The following NPAS1 variants were observed in gnomAD, a reference collection of about 807,000 sequenced individuals.
NPAS1 encodes neuronal PAS domain-containing protein 1.
NPAS1 carries 29 observed loss-of-function variants against 49.2 expected under a neutral mutation model. The ratio of observed to expected loss-of-function variants is 0.59; its 90% CI spans 0.44 to 0.80. The LOEUF (loss-of-function observed/expected upper bound fraction) is 0.80, where lower values mean the gene tolerates loss of function less well. Ranked by LOEUF, NPAS1 falls within the 30% of genes least tolerant of loss-of-function variation. NPAS1 has a pLI of 0.00. For synonymous variants in NPAS1, 408 were observed against 380.4 expected, an observed-to-expected ratio of 1.07 and a Z score of -0.84; for missense variants, 825 against 835.5, an observed-to-expected ratio of 0.99 and a Z score of 0.15.
chr19:47,034,631 C>G (rs1599906323), intron 5 of NPAS1, among the ~76,000 whole-genome samples: 1 of 152,142 alleles, frequency 6.6e-6, no homozygotes, highest in East Asian at 1.9e-4. Flanking sequence ...AATCCCAGCA[C>G]TTTGGGAGGC....
chr19:47,031,807 G>A (rs2056907784), intron 3 of NPAS1, among the ~76,000 whole-genome samples: 1 of 151,766 alleles, frequency 6.6e-6, no homozygotes, highest in Admixed American at 6.6e-5. Context: ...GGGATTACAG[G>A]TGTGAGCCAC....
chr19:47,042,949 C>A lies in NPAS1; in HGVS notation c.1312+45C>A, dbSNP rs545194106. 2.4e-5 allele frequency: 34 copies of A among 1,423,642 alleles called. No individual in the cohort carries two copies. The East Asian group carries it at 3.2e-4, about 13-fold the overall frequency. 88.2% of individuals were successfully genotyped at this position (1,423,642 alleles called of 1,614,324 possible). On this transcript the variant is annotated intron_variant, in intron 11 of 11. Transcript: ENST00000602212. ...TTGGCCCCTGGGAAGCTCCAAGGAA[C>A]CTTTGGGTCCTGGCTGTCCATTCCA...
At chr19:47,037,286 G>A (rs946464928) in intron 6 of NPAS1, among the ~76,000 whole-genome samples, 3 of 143,188 alleles carry the variant, frequency 2.1e-5, no homozygotes, top group Non-Finnish European at 4.5e-5. Context: ...GGGAGGTGGA[G>A]GTTGCACTGA....
intron 5 of NPAS1, among the ~76,000 whole-genome samples, chr19:47,034,983 A>G (rs1236486947): frequency 6.6e-6 from 1 of 151,308 alleles, no homozygotes; most frequent in Non-Finnish European, 1.5e-5. Context: ...GGAGTTTGAG[A>G]CCAGCCTGAC....
At chr19:47,020,895 C>A (rs1230096208) in intron 1 of NPAS1, 111 bp from the exon 2 acceptor site, 14 of 14,604 alleles carry the variant, frequency 9.6e-4, no homozygotes, top group Non-Finnish European at 1.4e-3. Flanking sequence ...ATCATCCAGG[C>A]CCCCCCCCCC....
chr19:47,021,718 G>A lies in NPAS1; in HGVS notation c.229G>A (p.Ala77Thr), dbSNP rs2056843032. Residue 77 changes from alanine (A) to threonine (T), a missense_variant, in exon 3 of 12, where the codon GCC becomes ACC. Transcript: ENST00000602212. The surrounding 1 kb of genome is among the most constrained non-coding windows in gnomAD (Gnocchi z 5.7). The stretch of plus-strand genomic sequence containing the variant: ...GGCCAAGCTTCTCCCGCTGCCCGGC[G>A]CCATCTCCAGCCAGCTGGACAAGGC... Reference protein sequence around the residue: ...ELAKLLPLPGAISSQLDKASI... With the variant: ...ELAKLLPLPGTISSQLDKASI... The A allele has an allele frequency of 6.4e-7, 1 of 1,550,970 alleles. No individual in the cohort carries two copies. Among genetic ancestry groups the A allele is most frequent in the East Asian group, 2.5e-5 (1 of 40,788 alleles).
At chr19:47,027,856 A>T (rs2056884152) in intron 3 of NPAS1, among the ~76,000 whole-genome samples, 1 of 152,100 alleles carries the variant, frequency 6.6e-6, no homozygotes, top group Admixed American at 6.6e-5. Flanking sequence ...GGGAGGGCGG[A>T]TGTGGAAGTG....
chr19:47,043,400 T>C (rs191536052), intron 11 of NPAS1, among the ~76,000 whole-genome samples: 3 of 151,200 alleles, frequency 2.0e-5, no homozygotes. Context: ...CCATCCTGGC[T>C]AATAAGGTGA....
chr19:47,035,223 A>AAGAAGAAGAAGAAGAAGAAGAAGAAGAAG (rs1555771746), intron 5 of NPAS1: 2 of 153,076 alleles, frequency 1.3e-5, no homozygotes, highest in African/African-American at 4.8e-5. Flanking sequence ...AAGAAGAAGG[A>AAGAAGAAGAAGAAGAAGAAGAAGAAGAAG]AAGGCTTGAA....
In NPAS1 at chr19:47,021,708, G is replaced by A. The variant is rs373910571; in HGVS notation, c.219G>A (p.Pro73=). The A allele has an allele frequency of 6.2e-5, 96 of 1,554,144 alleles. No homozygotes were observed. In the African/African-American group the frequency reaches 9.3e-4, roughly 15 times the overall value. The change falls in exon 3 of 12, where the codon CCG becomes CCA. Residue 73 remains proline (P), a synonymous_variant. Transcript: ENST00000602212. This position sits in a 1 kb window ranked among gnomAD's most constrained non-coding sequence, Gnocchi z 5.7. ...LEFFELAKLL[P]LPGAISSQLD... ...TCTTCGAGCTGGCCAAGCTTCTCCC[G>A]CTGCCCGGCGCCATCTCCAGCCAGC...
Position 47,045,312 on chromosome 19 carries a change from T to A in NPAS1, c.1434T>A (p.Ser478Arg). ...GPRETKGSED[S>R]GDEDPSSHPA... ...GGGAAACCAAAGGCTCCGAGGACAG[T>A]GGCGACGAGGATCCCTCCAGCCACC... Residue 478 changes from serine (S) to arginine (R), a missense_variant, in exon 12 of 12, where the codon AGT (serine) becomes AGA (arginine). Transcript: ENST00000602212. 6.2e-7 allele frequency: 1 copy of A among 1,613,964 alleles called. No individual in the cohort carries two copies. Among genetic ancestry groups the A allele is most frequent in the Non-Finnish European group, 8.5e-7 (1 of 1,180,006 alleles).
At chr19:47,026,968 A>G (rs967266401) in intron 3 of NPAS1, among the ~76,000 whole-genome samples, 2 of 150,538 alleles carry the variant, frequency 1.3e-5, no homozygotes, top group Admixed American at 1.3e-4. Flanking sequence ...AAAAAAAAAG[A>G]GAGAGAGAGA....
chr19:47,020,422 G>C (rs945482647), intron 1 of NPAS1, among the ~76,000 whole-genome samples: 4 of 151,868 alleles, frequency 2.6e-5, no homozygotes, highest in Non-Finnish European at 5.9e-5. Flanking sequence ...GGAAGTTGTG[G>C]TCGTGGGGAT....
At chr19:47,026,217 G>T (rs1304201412) in intron 3 of NPAS1, among the ~76,000 whole-genome samples, 1 of 152,214 alleles carries the variant, frequency 6.6e-6, no homozygotes, top group Non-Finnish European at 1.5e-5. Flanking sequence ...GGGGTTACAG[G>T]TGTAAGCCAC....
At chr19:47,022,666 AGC>A (rs2056849208) in intron 3 of NPAS1, among the ~76,000 whole-genome samples, 1 of 152,220 alleles carries the variant, frequency 6.6e-6, no homozygotes, top group Non-Finnish European at 1.5e-5. Flanking sequence ...CACTTTTCTG[AGC>A]GCTGGGATTG....
rs916221422 is a variant in NPAS1 at position 47,041,697 on chromosome 19, G to A, written c.1217+572G>A. Among the ~76,000 whole-genome samples the A allele has an allele frequency of 2.6e-5, 4 of 152,128 alleles. No homozygotes were observed. The East Asian group carries it at 5.8e-4, about 22-fold the overall frequency. On this transcript the variant is annotated intron_variant, in intron 10 of 11. Transcript: ENST00000602212. ...CTTTTTAGAAAGACTGCTCTAGACC[G>A]GACATGGTGGCTCATGCCTGTAATC...
In NPAS1 at chr19:47,025,404, T is replaced by G. The variant is rs12976567; in HGVS notation, c.358+3557T>G. Among the ~76,000 whole-genome samples, 4 of 126,340 alleles carry G rather than the reference T, an allele frequency of 3.2e-5. 1 individual carries two copies. In the South Asian group the frequency reaches 7.6e-4, roughly 24 times the overall value. The allele number at this position is 126,340 out of a possible 152,430, so 82.9% of individuals were successfully genotyped here. Reference sequence around the variant, plus strand: ...AGCGATTCTCCTGCTTCAGCCTCCCTAATAGCTGGGATTACAGGCATGCGC... The same window carrying G: ...AGCGATTCTCCTGCTTCAGCCTCCCGAATAGCTGGGATTACAGGCATGCGC... On this transcript the variant is annotated intron_variant, in intron 3 of 11. Coordinates refer to ENST00000602212, the MANE Select transcript of NPAS1 (RefSeq NM_002517.4).
At chr19:47,032,254 G>C (rs371889814) in intron 3 of NPAS1, 24 bp from the exon 4 acceptor site, 59 of 1,610,714 alleles carry the variant, frequency 3.7e-5, no homozygotes, top group Middle Eastern at 1.6e-4. Context: ...AGACTAACAG[G>C]CTTCATCCTT....
intron 3 of NPAS1, among the ~76,000 whole-genome samples, chr19:47,027,086 G>A (rs2056875833): frequency 6.6e-6 from 1 of 152,198 alleles, no homozygotes; most frequent in Non-Finnish European, 1.5e-5. Flanking sequence ...TAAAGGCAAA[G>A]GTGACCCGGC....
Sources: allele counts gnomAD v4.1 joint callset (sites outside exome capture counted in the v4.1 genomes callset), GRCh38; gene constraint gnomAD v4.1.1; non-coding constraint Gnocchi (gnomAD v3.1); transcripts MANE v1.5; gene names NCBI Gene and HGNC (gene_info 2026-07-23, HGNC 2026-07-21).